Variants in KIAA1217 observed in about 807,000 individuals in gnomAD.
The protein encoded by KIAA1217 is KIAA1217.
In KIAA1217, 88 loss-of-function variants were observed where a neutral mutation model predicts 163.9. That is an observed-to-expected ratio of 0.54 (90% CI 0.45 to 0.64). The LOEUF (loss-of-function observed/expected upper bound fraction) is 0.64. Ranked by LOEUF, KIAA1217 falls within the 30% of genes least tolerant of loss-of-function variation. The pLI, the probability that KIAA1217 is intolerant of heterozygous loss-of-function variation, is 0.00. For missense variants in KIAA1217, 2,372 were observed against 2,475.0 expected (o/e 0.96, Z 0.88); for synonymous variants, 903 against 923.1 (o/e 0.98, Z 0.39).
chr10:24,370,962 G>A (rs976709934), intron 2 of KIAA1217, among the ~76,000 whole-genome samples: 1 of 152,204 alleles, frequency 6.6e-6, no homozygotes, highest in African/African-American at 2.4e-5. Flanking sequence ...TCTGAAAGGG[G>A]TGAAAGTCTG....
At chr10:24,261,553 A>T (rs2075729906) in intron 2 of KIAA1217, among the ~76,000 whole-genome samples, 1 of 150,836 alleles carries the variant, frequency 6.6e-6, no homozygotes, top group South Asian at 2.1e-4. Context: ...TTGTACTCTG[A>T]TTTTTTCATT....
intron 2 of KIAA1217, among the ~76,000 whole-genome samples, chr10:24,026,048 T>A (rs765324188): frequency 6.6e-6 from 1 of 151,904 alleles, no homozygotes. Context: ...AAATGCTGAA[T>A]AGAAATGGTA....
chr10:23,823,884 GAAGAA>G (rs1376733764), intron 1 of KIAA1217, among the ~76,000 whole-genome samples: 1 of 151,652 alleles, frequency 6.6e-6, no homozygotes. Flanking sequence ...CATAGATGGA[GAAGAA>G]AAGAGCCACA....
Position 24,191,460 on chromosome 10 carries a change from T to C in KIAA1217, c.-170-28166T>C, listed in dbSNP as rs192300020. Reference sequence around the variant, plus strand: ...ATTGTACATTTGTGTAAATGCATTGTTTGTAACACAAAGGATAAATGGTGC... The same window carrying C: ...ATTGTACATTTGTGTAAATGCATTGCTTGTAACACAAAGGATAAATGGTGC... On this transcript the variant is annotated intron_variant, in intron 2 of 18. Coordinates refer to the KIAA1217 transcript ENST00000376462. Among the ~76,000 whole-genome samples, 4 of 152,274 alleles carry C rather than the reference T, an allele frequency of 2.6e-5. No individual in the cohort carries two copies. The East Asian group carries it at 7.7e-4, about 29-fold the overall frequency.
At chr10:23,731,930 C>G (rs995450305) in intron 1 of KIAA1217, among the ~76,000 whole-genome samples, 3 of 151,932 alleles carry the variant, frequency 2.0e-5, no homozygotes, top group Non-Finnish European at 4.4e-5. Context: ...ATTGAACCAG[C>G]CTTGCATACC....
intron 1 of KIAA1217, among the ~76,000 whole-genome samples, chr10:23,730,811 G>A (rs1838432190): frequency 6.6e-6 from 1 of 152,114 alleles, no homozygotes; most frequent in Non-Finnish European, 1.5e-5. Flanking sequence ...CTGGTATATA[G>A]GAAAGCAATG....
chr10:24,272,590 T>A (rs2076877962), intron 2 of KIAA1217, among the ~76,000 whole-genome samples: 1 of 152,226 alleles, frequency 6.6e-6, no homozygotes, highest in Non-Finnish European at 1.5e-5. Context: ...TCAAACTCAA[T>A]GTACATAACT....
intron 2 of KIAA1217, among the ~76,000 whole-genome samples, chr10:24,261,530 C>G (rs1237700688): frequency 6.6e-6 from 1 of 150,532 alleles, no homozygotes; most frequent in Non-Finnish European, 1.5e-5. Context: ...TAATCTGGTG[C>G]TGAGCTGACC....
intron 2 of KIAA1217, among the ~76,000 whole-genome samples, chr10:24,095,268 C>G (rs185145395): frequency 6.6e-6 from 1 of 152,272 alleles, no homozygotes; most frequent in Admixed American, 6.5e-5. Flanking sequence ...GTCTGGCACT[C>G]CCTAGTGAGA....
chr10:24,388,904 G>A (rs7923765), intron 3 of KIAA1217, among the ~76,000 whole-genome samples: 36,918 of 119,992 alleles, frequency 0.31, 7,652 homozygotes, highest in African/African-American at 0.6. Context: ...GTCAGGAAAC[G>A]ACATGTGCTG....
chr10:24,285,167 T>G (rs1276664495), intron 2 of KIAA1217, among the ~76,000 whole-genome samples: 1 of 152,236 alleles, frequency 6.6e-6, no homozygotes, highest in Non-Finnish European at 1.5e-5. Context: ...ATATTTTCTC[T>G]CATTCTGTAG....
intron 2 of KIAA1217, among the ~76,000 whole-genome samples, chr10:24,095,815 C>T (rs1444650975): frequency 2.0e-5 from 3 of 152,172 alleles, no homozygotes; most frequent in African/African-American, 4.8e-5. Context: ...TTGTCCAAAA[C>T]TAAACTTGCA....
At chr10:24,476,688 T>C (rs900445111) in intron 6 of KIAA1217, among the ~76,000 whole-genome samples, 1 of 152,186 alleles carries the variant, frequency 6.6e-6, no homozygotes, top group Non-Finnish European at 1.5e-5. Flanking sequence ...AAAAATTTTA[T>C]CTCATACATC....
intron 1 of KIAA1217, among the ~76,000 whole-genome samples, chr10:23,755,456 A>G (rs958265286): frequency 7.2e-5 from 11 of 152,190 alleles, no homozygotes; most frequent in African/African-American, 1.7e-4. Context: ...AGTCCCTAAT[A>G]TTGCTAAAAT....
At chr10:24,369,005 G>A (rs980683035) in intron 2 of KIAA1217, 5 of 248,942 alleles carry the variant, frequency 2.0e-5, no homozygotes, top group Non-Finnish European at 1.3e-5. Context: ...TGCACCGTGA[G>A]TTCATGGCAG....
chr10:23,910,226 A>G (rs1398962095), intron 1 of KIAA1217, among the ~76,000 whole-genome samples: 3 of 151,842 alleles, frequency 2.0e-5, no homozygotes, highest in Admixed American at 6.6e-5. Context: ...GCAACAAACT[A>G]CCGTGGCACG....
intron 1 of KIAA1217, among the ~76,000 whole-genome samples, chr10:23,830,101 G>T (rs1838105345): frequency 6.6e-6 from 1 of 152,120 alleles, no homozygotes; most frequent in African/African-American, 2.4e-5. Flanking sequence ...GGCAGTAATT[G>T]ATTTAATGAC....
At chr10:23,880,412 C>T (rs902093060) in intron 1 of KIAA1217, among the ~76,000 whole-genome samples, 4 of 151,830 alleles carry the variant, frequency 2.6e-5, no homozygotes, top group African/African-American at 7.3e-5. Flanking sequence ...CAATTGAACA[C>T]ATGGAGATAG....
intron 8 of KIAA1217, among the ~76,000 whole-genome samples, chr10:24,497,411 T>G (rs2066928288): frequency 6.6e-6 from 1 of 152,110 alleles, no homozygotes; most frequent in African/African-American, 2.4e-5. Context: ...GAGGTTAGGT[T>G]AGTTTTCCAA....
Sources: allele counts gnomAD v4.1 joint callset (sites outside exome capture counted in the v4.1 genomes callset), GRCh38; gene constraint gnomAD v4.1.1; transcripts MANE v1.5; gene names NCBI Gene and HGNC (gene_info 2026-07-23, HGNC 2026-07-21).